Variants in SGCZ observed in about 807,000 individuals in gnomAD.
The protein encoded by SGCZ is sarcoglycan zeta, also known as zeta-sarcoglycan.
A neutral mutation model predicts 41.3 loss-of-function variants in SGCZ; 40 were observed. The observed-to-expected ratio is 0.97, with a 90% CI of 0.75 to 1.26. The LOEUF is 1.26. Among genes scored for constraint, SGCZ ranks in the 50% most tolerant of loss-of-function variants. The probability of loss-of-function intolerance (pLI) is 0.00; values close to 1 mark genes in which losing one functional copy is unlikely to be tolerated. For missense variants in SGCZ, 552 were observed against 369.8 expected, an observed-to-expected ratio of 1.49 and a Z score of -4.04; for synonymous variants, 206 against 137.5, an observed-to-expected ratio of 1.50 and a Z score of -3.49.
chr8:14,143,936 G>A (rs943004352), intron 5 of SGCZ, among the ~76,000 whole-genome samples: 1 of 152,112 alleles, frequency 6.6e-6, no homozygotes, highest in Non-Finnish European at 1.5e-5. Flanking sequence ...CCCATCCACA[G>A]GGGAAACATT....
At chr8:14,190,511 G>T (rs866515278) in intron 4 of SGCZ, among the ~76,000 whole-genome samples, 2 of 152,096 alleles carry the variant, frequency 1.3e-5, no homozygotes, top group African/African-American at 2.4e-5. Flanking sequence ...GGACATGCAA[G>T]TGCAGATATC....
intron 1 of SGCZ, among the ~76,000 whole-genome samples, chr8:14,942,095 C>T (rs1051694046): frequency 6.6e-6 from 1 of 151,936 alleles, no homozygotes; most frequent in South Asian, 2.1e-4. Context: ...TGCCCTGAAG[C>T]TCGCCTGTTT....
At chr8:14,893,874 A>G (rs1416149733) in intron 1 of SGCZ, among the ~76,000 whole-genome samples, 1 of 152,210 alleles carries the variant, frequency 6.6e-6, no homozygotes. Context: ...AAAAGTCTAA[A>G]GTACTAACTT....
intron 1 of SGCZ, among the ~76,000 whole-genome samples, chr8:14,626,495 C>G (rs1163471890): frequency 2.0e-5 from 3 of 152,096 alleles, no homozygotes; most frequent in Non-Finnish European, 2.9e-5. Flanking sequence ...GTTCTAAACC[C>G]TAGTTCTTCA....
At chr8:14,832,088 A>T (rs1802553002) in intron 1 of SGCZ, among the ~76,000 whole-genome samples, 1 of 152,212 alleles carries the variant, frequency 6.6e-6, no homozygotes. Context: ...TAATAATATC[A>T]ACTATGTTGA....
intron 1 of SGCZ, among the ~76,000 whole-genome samples, chr8:14,984,567 C>T (rs1801770320): frequency 6.6e-6 from 1 of 151,828 alleles, no homozygotes; most frequent in East Asian, 1.9e-4. Context: ...GATTTTGTTG[C>T]TGCAACCACA....
intron 1 of SGCZ, among the ~76,000 whole-genome samples, chr8:14,769,889 A>G (rs990413769): frequency 2.7e-5 from 4 of 150,750 alleles, no homozygotes; most frequent in Non-Finnish European, 4.4e-5. Flanking sequence ...TACAAGGTGC[A>G]ACTCGATTGG....
chr8:14,618,186 T>C (rs1262256832), intron 1 of SGCZ, among the ~76,000 whole-genome samples: 1 of 152,134 alleles, frequency 6.6e-6, no homozygotes, highest in Non-Finnish European at 1.5e-5. Flanking sequence ...TTGGTGAAGC[T>C]TATATTTTAT....
At chr8:14,997,637 G>C (rs980525834) in intron 1 of SGCZ, among the ~76,000 whole-genome samples, 5 of 152,104 alleles carry the variant, frequency 3.3e-5, no homozygotes, top group African/African-American at 1.2e-4. Context: ...AAAAAGTAAA[G>C]CATCATTATA....
At chr8:15,137,156 G>C (rs1004786086) in intron 1 of SGCZ, among the ~76,000 whole-genome samples, 3 of 152,154 alleles carry the variant, frequency 2.0e-5, no homozygotes, top group African/African-American at 7.2e-5. Flanking sequence ...TAGAGCAAAG[G>C]TGACTCTTAC....
chr8:14,450,088 T>C (rs1800548091), intron 2 of SGCZ, among the ~76,000 whole-genome samples: 1 of 152,172 alleles, frequency 6.6e-6, no homozygotes, highest in Non-Finnish European at 1.5e-5. Context: ...ACATATTCAT[T>C]AAACCAGAAA....
At chr8:14,597,113 T>C (rs1023437058) in intron 1 of SGCZ, among the ~76,000 whole-genome samples, 4 of 152,200 alleles carry the variant, frequency 2.6e-5, no homozygotes, top group Non-Finnish European at 5.9e-5. Flanking sequence ...TAGACATTCT[T>C]AGATAGTTTC....
rs1388937563 is a variant in SGCZ at position 14,524,008 on chromosome 8, G to A, written c.234+30724C>T. 5.3e-5 allele frequency among the ~76,000 whole-genome samples: 8 copies of A among 151,990 alleles called. No individual in the cohort carries two copies. In the East Asian group the frequency reaches 1.4e-3, roughly 26 times the overall value. On this transcript the variant is annotated intron_variant, in intron 2 of 7. Coordinates refer to ENST00000382080, the MANE Select transcript of SGCZ (RefSeq NM_139167.4). ...TTTCTTATGTACTCATCATTCTGCT[G>A]TTGAAAACATTCATTGAGTTTACTT...
At chr8:14,920,822 G>C (rs1799568510) in intron 1 of SGCZ, among the ~76,000 whole-genome samples, 1 of 152,076 alleles carries the variant, frequency 6.6e-6, no homozygotes, top group Admixed American at 6.5e-5. Flanking sequence ...AGTTTATTCT[G>C]GGAGGTTTCA....
intron 1 of SGCZ, among the ~76,000 whole-genome samples, chr8:14,866,992 G>A (rs1275830052): frequency 6.6e-6 from 1 of 152,096 alleles, no homozygotes; most frequent in Non-Finnish European, 1.5e-5. Context: ...ATGTAGAGTG[G>A]TCTGATGGAA....
intron 1 of SGCZ, among the ~76,000 whole-genome samples, chr8:15,095,316 C>A (rs1324677850): frequency 1.3e-5 from 2 of 152,090 alleles, no homozygotes; most frequent in Non-Finnish European, 2.9e-5. Flanking sequence ...CCAAGCTGAT[C>A]TCAAATTCCT....
At chr8:15,025,099 T>C (rs986780542) in intron 1 of SGCZ, among the ~76,000 whole-genome samples, 20 of 150,840 alleles carry the variant, frequency 1.3e-4, no homozygotes, top group African/African-American at 4.8e-4. Flanking sequence ...CTCATTTTAA[T>C]GACTACATTT....
intron 1 of SGCZ, among the ~76,000 whole-genome samples, chr8:14,838,757 T>G (rs1405832981): frequency 6.6e-6 from 1 of 152,184 alleles, no homozygotes; most frequent in Non-Finnish European, 1.5e-5. Context: ...ATCTTTGTTT[T>G]CTTGTGCCTC....
At chr8:14,766,630 C>T (rs561873206) in intron 1 of SGCZ, among the ~76,000 whole-genome samples, 4 of 151,824 alleles carry the variant, frequency 2.6e-5, no homozygotes, top group Admixed American at 6.6e-5. Flanking sequence ...ACTGCGATCT[C>T]GGCTCACTGC....
Sources: gnomAD v4.1 joint callset for allele counts (sites outside exome capture counted in the v4.1 genomes callset) on GRCh38, gnomAD v4.1.1 for gene constraint, MANE v1.5 for transcripts, NCBI Gene and HGNC (gene_info 2026-07-23, HGNC 2026-07-21) for gene names.